Variants in HS3ST1 observed in about 807,000 individuals in gnomAD.
HS3ST1 encodes heparan sulfate glucosamine 3-O-sulfotransferase 1.
HS3ST1 carries 8 observed loss-of-function variants against 20.7 expected under a neutral mutation model. That is an observed-to-expected ratio of 0.39 (90% CI 0.23 to 0.70). The LOEUF (loss-of-function observed/expected upper bound fraction) is 0.70, where lower values mean the gene tolerates loss of function less well. Ranked by LOEUF, HS3ST1 falls within the 30% of genes least tolerant of loss-of-function variation. The pLI is 0.46. For synonymous variants in HS3ST1, 205 were observed against 190.4 expected, an observed-to-expected ratio of 1.08 and a Z score of -0.63; for missense variants, 436 against 423.4, an observed-to-expected ratio of 1.03 and a Z score of -0.26.
chr4:11,427,198 C>T (rs1719082741), intron 1 of HS3ST1, among the ~76,000 whole-genome samples: 1 of 152,102 alleles, frequency 6.6e-6, no homozygotes, highest in African/African-American at 2.4e-5. Context: ...AAAGCGAGAA[C>T]GCACGGGTGG....
rs1718239307 is a variant in HS3ST1, at chr4:11,399,308, C to T, written c.698G>A (p.Arg233Lys). Residue 233 changes from arginine (R) to lysine (K), a missense_variant, in exon 2 of 2, where the codon AGG (arginine) becomes AAG (lysine). Coordinates refer to ENST00000002596, the MANE Select transcript of HS3ST1 (RefSeq NM_005114.4). This position sits in a 1 kb window ranked among gnomAD's most constrained non-coding sequence, Gnocchi z 5.1. ...GATCTGCGGCGACAGCTTTAGGAACCTCTCGACCTTTTGGATCTCAGGGAA... is the reference window on the plus strand; with the variant it reads ...GATCTGCGGCGACAGCTTTAGGAACTTCTCGACCTTTTGGATCTCAGGGAA... The part of the protein sequence containing the change: ...DPFPEIQKVE[R>K]FLKLSPQINA... 6.2e-7 allele frequency: 1 copy of T among 1,614,108 alleles called. No homozygotes were observed.
At chr4:11,407,239 A>G (rs577578076) in intron 1 of HS3ST1, among the ~76,000 whole-genome samples, 1 of 152,312 alleles carries the variant, frequency 6.6e-6, no homozygotes, top group African/African-American at 2.4e-5. Context: ...GTCAGGCCAC[A>G]TAATGTTAAT....
At chr4:11,430,471 A>T (rs1248801975), upstream of HS3ST1, among the ~76,000 whole-genome samples, 1 of 152,218 alleles carries the variant, frequency 6.6e-6, no homozygotes, top group African/African-American at 2.4e-5. Context: ...AAGTTCTGCC[A>T]ATTACTGGTG....
At chr4:11,420,660 G>A (rs1321737330) in intron 1 of HS3ST1, among the ~76,000 whole-genome samples, 5 of 152,194 alleles carry the variant, frequency 3.3e-5, no homozygotes, top group Admixed American at 6.5e-5. Flanking sequence ...AATCTGGCTT[G>A]TGCTTTGGTG....
chr4:11,409,478 G>C (rs1182112291), intron 1 of HS3ST1, among the ~76,000 whole-genome samples: 1 of 152,120 alleles, frequency 6.6e-6, no homozygotes, highest in Non-Finnish European at 1.5e-5. Context: ...TATAAGAAGA[G>C]GAAGATAAAA....
chr4:11,414,021 AGATAGG>A lies in HS3ST1; in HGVS notation c.-108-13914_-108-13909del, dbSNP rs1158590942. ...TGAAGGACTAGCAGGAGGATGCATG[AGATAGG>A]CTTCTTTCCTTTCTTTTTTTTAAAG... On this transcript the variant is annotated intron_variant, in intron 1 of 1. Transcript: ENST00000002596. 35 of 152,306 alleles carry A rather than the reference AGATAGG, an allele frequency of 2.3e-4. 1 individual carries two copies. Among genetic ancestry groups the A allele is most frequent in the African/African-American group, 6.0e-4 (25 of 41,566 alleles). The allele number at this position is 152,306 out of a possible 1,614,324, so 9.4% of individuals were successfully genotyped here.
Position 11,399,875 on chromosome 4 carries a change from C to T in HS3ST1, c.131G>A (p.Gly44Asp), listed in dbSNP as rs1271684067. ...AGTLQDDVRD[G>D]VAPNGSAQQL... ...CTGGGCAGAGCCGTTTGGGGCCACG[C>T]CATCGCGGACGTCATCCTGGAGGGT... The change falls in exon 2 of 2, where the codon GGC (glycine) becomes GAC (aspartate). Residue 44 changes from glycine (G) to aspartate (D), a missense_variant. Physicochemically the swap from Gly to Asp is moderately conservative, Grantham distance 94. Coordinates refer to ENST00000002596, the MANE Select transcript of HS3ST1 (RefSeq NM_005114.4). The surrounding 1 kb of genome is among the most constrained non-coding windows in gnomAD (Gnocchi z 5.1). The T allele has an allele frequency of 6.2e-7, 1 of 1,612,078 alleles. No individual in the cohort carries two copies. The highest frequency in any genetic ancestry group is 8.5e-7 in the Non-Finnish European group (1 of 1,179,768).
Position 11,399,427 on chromosome 4 carries a change from G to A in HS3ST1, c.579C>T (p.Arg193=). 6.2e-7 allele frequency: 1 copy of A among 1,613,988 alleles called. No homozygotes were observed. Among genetic ancestry groups the A allele is most frequent in the South Asian group, 1.1e-5 (1 of 91,078 alleles). The change falls in exon 2 of 2, where the codon CGC becomes CGT. Residue 193 remains arginine (R), a synonymous_variant. Coordinates refer to ENST00000002596, the MANE Select transcript of HS3ST1 (RefSeq NM_005114.4). The surrounding 1 kb of genome is among the most constrained non-coding windows in gnomAD (Gnocchi z 5.1). ...RLNVDYKALN[R]SLYHVHMQNW... is the part of the protein sequence containing the mutation. ...TCTGCATGTGCACGTGGTAGAGGCT[G>A]CGGTTGAGGGCCTTGTAGTCCACAT...
chr4:11,408,857 A>G (rs1718539799), intron 1 of HS3ST1, among the ~76,000 whole-genome samples: 1 of 152,224 alleles, frequency 6.6e-6, no homozygotes, highest in Non-Finnish European at 1.5e-5. Flanking sequence ...CCCCTGCTCC[A>G]GGTATGACTG....
At chr4:11,419,944 T>G (rs1323921050) in intron 1 of HS3ST1, among the ~76,000 whole-genome samples, 1 of 152,248 alleles carries the variant, frequency 6.6e-6, no homozygotes, top group Non-Finnish European at 1.5e-5. Context: ...AAGCCTATTT[T>G]GTGGAGGTGG....
intron 1 of HS3ST1, among the ~76,000 whole-genome samples, chr4:11,419,390 A>G (rs1235413374): frequency 6.6e-6 from 1 of 152,184 alleles, no homozygotes; most frequent in Non-Finnish European, 1.5e-5. Context: ...TTAGTTTGTG[A>G]CACCGCATGT....
upstream of HS3ST1, among the ~76,000 whole-genome samples, chr4:11,431,206 A>C (rs974109714): frequency 6.7e-6 from 1 of 149,242 alleles, no homozygotes; most frequent in South Asian, 2.1e-4. Context: ...ACAATCCTGC[A>C]TGGTATCTGA....
At chr4:11,409,296 T>G (rs113190136) in intron 1 of HS3ST1, among the ~76,000 whole-genome samples, 10 of 152,352 alleles carry the variant, frequency 6.6e-5, no homozygotes, top group African/African-American at 2.2e-4. Flanking sequence ...AGAGATGATT[T>G]GTCTCATTTC....
At chr4:11,411,341 T>A (rs1443319776) in intron 1 of HS3ST1, among the ~76,000 whole-genome samples, 1 of 152,212 alleles carries the variant, frequency 6.6e-6, no homozygotes, top group Non-Finnish European at 1.5e-5. Context: ...TAGTACATGG[T>A]TCTTTCCTCT....
chr4:11,407,634 G>A (rs537516821), intron 1 of HS3ST1, among the ~76,000 whole-genome samples: 76 of 152,160 alleles, frequency 5.0e-4, no homozygotes, highest in Non-Finnish European at 4.0e-4. Context: ...ATCAGGTGAA[G>A]GATTATGGCC....
At chr4:11,405,377 T>A (rs531106087) in intron 1 of HS3ST1, among the ~76,000 whole-genome samples, 7 of 152,294 alleles carry the variant, frequency 4.6e-5, no homozygotes, top group Admixed American at 3.9e-4. Flanking sequence ...ATGCCAGGCA[T>A]GGGAAACCCA....
intron 1 of HS3ST1, among the ~76,000 whole-genome samples, chr4:11,408,610 C>T (rs1270552548): frequency 6.6e-6 from 1 of 152,208 alleles, no homozygotes; most frequent in East Asian, 1.9e-4. Context: ...GAAGTTACTT[C>T]TCAACATGTT....
chr4:11,402,273 G>A (rs1718346196), intron 1 of HS3ST1, among the ~76,000 whole-genome samples: 1 of 152,200 alleles, frequency 6.6e-6, no homozygotes, highest in South Asian at 2.1e-4. Context: ...ACAGTGCACT[G>A]GAGAAGGGAC....
At chr4:11,408,397 A>C (rs1718526716) in intron 1 of HS3ST1, among the ~76,000 whole-genome samples, 1 of 152,214 alleles carries the variant, frequency 6.6e-6, no homozygotes, top group Non-Finnish European at 1.5e-5. Flanking sequence ...AATTAGTCAA[A>C]CACATTTGTT....
Sources: allele counts gnomAD v4.1 joint callset (sites outside exome capture counted in the v4.1 genomes callset), GRCh38; gene constraint gnomAD v4.1.1; non-coding constraint Gnocchi (gnomAD v3.1); transcripts MANE v1.5; gene names NCBI Gene and HGNC (gene_info 2026-07-23, HGNC 2026-07-21).